Variants in PLEKHM3 observed in about 807,000 individuals in gnomAD.
The protein encoded by PLEKHM3 is pleckstrin homology domain containing M3, also known as pleckstrin homology domain-containing family M member 3.
Under a neutral mutation model 81.8 loss-of-function variants are expected in PLEKHM3, and 45 were observed. That is an observed-to-expected ratio of 0.55 (90% confidence interval 0.43 to 0.71). The LOEUF (loss-of-function observed/expected upper bound fraction) is 0.71, where lower values mean the gene tolerates loss of function less well. PLEKHM3 is among the 30% of genes least tolerant of loss of function. PLEKHM3 has a pLI of 0.00. For missense variants in PLEKHM3, 788 were observed against 924.3 expected (o/e 0.85, Z 1.91); for synonymous variants, 352 against 356.4 (o/e 0.99, Z 0.14).
intron 2 of PLEKHM3, among the ~76,000 whole-genome samples, chr2:207,978,779 A>G (rs1691415873): frequency 6.6e-6 from 1 of 152,214 alleles, no homozygotes. Flanking sequence ...AACCTCGCCT[A>G]CACACATGCA....
chr2:208,019,560 C>T (rs576489818), intron 1 of PLEKHM3: 6 of 152,296 alleles, frequency 3.9e-5, no homozygotes, highest in Non-Finnish European at 7.4e-5. Flanking sequence ...CAGATTTCCT[C>T]CATTATTATG....
chr2:207,859,630 C>G (rs959607903), intron 7 of PLEKHM3, among the ~76,000 whole-genome samples: 6 of 148,022 alleles, frequency 4.1e-5, no homozygotes, highest in African/African-American at 1.5e-4. Flanking sequence ...CAGAGTCTTG[C>G]TGTGTTGCCC....
At chr2:207,853,232 A>C (rs2092421738) in intron 7 of PLEKHM3, among the ~76,000 whole-genome samples, 1 of 152,108 alleles carries the variant, frequency 6.6e-6, no homozygotes, top group Non-Finnish European at 1.5e-5. Context: ...AGCCTGACCA[A>C]CATGGTGAAA....
At chr2:207,909,005 T>A (rs1688719340) in intron 5 of PLEKHM3, among the ~76,000 whole-genome samples, 2 of 152,232 alleles carry the variant, frequency 1.3e-5, no homozygotes, top group African/African-American at 4.8e-5. Context: ...TATTTTTCTA[T>A]ATCTAAATAT....
chr2:207,916,118 T>C (rs752746889), intron 5 of PLEKHM3, among the ~76,000 whole-genome samples: 39 of 152,204 alleles, frequency 2.6e-4, no homozygotes, highest in Non-Finnish European at 5.0e-4. Context: ...CAATCACTTC[T>C]CTAGGTACCT....
intron 2 of PLEKHM3, 125 bp downstream of exon 2, chr2:208,000,905 A>G: frequency 2.2e-6 from 2 of 924,558 alleles, no homozygotes. Context: ...CCAGATTAAG[A>G]GAGACAAAGG....
At position 207,946,373 on chromosome 2, in the gene PLEKHM3, C is replaced by T. The variant is rs10932215; in HGVS notation, c.1686G>A (p.Lys562=). 0.6 allele frequency: 969,032 copies of T among 1,612,580 alleles called. 296,535 individuals are homozygous for T. Among genetic ancestry groups the T allele is most frequent in the Middle Eastern group, 0.74 (4,453 of 6,056 alleles). Residue 562 remains lysine (K), a synonymous_variant, in exon 4 of 8, where the codon AAG becomes AAA. Transcript: ENST00000427836. The part of the protein sequence containing the change: ...ARIVHNWDTS[K]YKVSKQAKEF... ...ACTGAGTTTTTGTACCTACCTTATA[C>T]TTTGAAGTATCCCAGTTGTGGACTA...
intron 3 of PLEKHM3, among the ~76,000 whole-genome samples, chr2:207,972,110 G>A (rs1044763892): frequency 1.3e-5 from 2 of 152,200 alleles, no homozygotes; most frequent in African/African-American, 4.8e-5. Context: ...TGAAGGCAAG[G>A]ACCATGTCTG....
In PLEKHM3 at chr2:207,977,579, C is replaced by T; in HGVS notation, c.618G>A (p.Lys206=). 2.5e-6 allele frequency: 4 copies of T among 1,601,254 alleles called. No homozygotes were observed. Among genetic ancestry groups the T allele is most frequent in the Non-Finnish European group, 3.4e-6 (4 of 1,175,132 alleles). ...TCTTTAGAATGTTTGGGAATGTCTG[C>T]TTGTGTTCTAGAAAGGAAAAGAGAG... ...IEDAQGNTEH[K]QTFPNILKKG... The change falls in exon 3 of 8, where the codon AAG becomes AAA. Residue 206 remains lysine, a synonymous_variant. Transcript: ENST00000427836.
intron 4 of PLEKHM3, among the ~76,000 whole-genome samples, chr2:207,931,493 G>A (rs1258887675): frequency 2.0e-5 from 3 of 152,126 alleles, no homozygotes; most frequent in Non-Finnish European, 2.9e-5. Context: ...AACTGTGAAA[G>A]GTACACAGAA....
At chr2:207,911,765 A>G (rs1377578747) in intron 5 of PLEKHM3, among the ~76,000 whole-genome samples, 3 of 152,248 alleles carry the variant, frequency 2.0e-5, no homozygotes, top group Non-Finnish European at 2.9e-5. Flanking sequence ...GGGCTGCAAA[A>G]TCATTTCAAG....
At chr2:207,981,366 C>T (rs1197243133) in intron 2 of PLEKHM3, among the ~76,000 whole-genome samples, 4 of 152,090 alleles carry the variant, frequency 2.6e-5, no homozygotes, top group Non-Finnish European at 5.9e-5. Flanking sequence ...TTATTTGAGA[C>T]AGGGTCTTGC....
chr2:207,858,174 G>GTGTATATA (rs373920637), intron 7 of PLEKHM3, among the ~76,000 whole-genome samples: 172 of 123,286 alleles, frequency 1.4e-3, no homozygotes, highest in African/African-American at 5.8e-3. Flanking sequence ...GTGTGTGTGT[G>GTGTATATA]TATATATTTT....
rs562241892 is a variant in PLEKHM3, at chr2:207,977,090, G to A, written c.1107C>T (p.Tyr369=). The part of the protein sequence containing the change: ...YQNILKSGTL[Y]RLTVQNNWKA... ...TCCAGTTGTTTTGGACAGTCAGCCT[G>A]TAGAGAGTCCCTGATTTGAGGATGT... The change falls in exon 3 of 8, where the codon TAC becomes TAT. Residue 369 remains tyrosine, a synonymous_variant. Coordinates refer to ENST00000427836, the MANE Select transcript of PLEKHM3 (RefSeq NM_001080475.3). The A allele has an allele frequency of 1.2e-6, 2 of 1,614,218 alleles. No individual in the cohort carries two copies. The highest frequency in any genetic ancestry group is 2.2e-5 in the East Asian group (1 of 44,882).
intron 6 of PLEKHM3, among the ~76,000 whole-genome samples, chr2:207,867,902 C>A (rs1055225360): frequency 1.3e-5 from 2 of 151,900 alleles, no homozygotes; most frequent in Admixed American, 6.6e-5. Context: ...TAGACCAAAG[C>A]CAGAGGAGCA....
At chr2:207,954,737 G>GTTGT (rs938818716) in intron 3 of PLEKHM3, among the ~76,000 whole-genome samples, 2 of 152,196 alleles carry the variant, frequency 1.3e-5, no homozygotes, top group African/African-American at 4.8e-5. Context: ...TAGGACCTAC[G>GTTGT]TTGTGTTAAC....
Position 208,001,141 on chromosome 2 carries a change from G to A in PLEKHM3, c.499C>T (p.Pro167Ser). ...VDWRVVLKTT[P>S]LQQQQQQQPL... Reference sequence around the variant, plus strand: ...TGCTGCTGTTGCTGCTGCTGCAAAGGCGTGGTTTTGAGGACTACCCTCCAG... The same window carrying A: ...TGCTGCTGTTGCTGCTGCTGCAAAGACGTGGTTTTGAGGACTACCCTCCAG... Residue 167 changes from proline (P) to serine (S), a missense_variant, in exon 2 of 8, where the codon CCT becomes TCT. Physicochemically the swap from Pro to Ser is moderately conservative, Grantham distance 74. Coordinates refer to ENST00000427836, the MANE Select transcript of PLEKHM3 (RefSeq NM_001080475.3). 2 of 1,611,696 alleles carry A rather than the reference G, an allele frequency of 1.2e-6. No homozygotes were observed. Among genetic ancestry groups the A allele is most frequent in the African/African-American group, 2.7e-5 (2 of 74,916 alleles).
intron 4 of PLEKHM3, among the ~76,000 whole-genome samples, chr2:207,935,775 T>C (rs1200342284): frequency 6.6e-6 from 1 of 152,236 alleles, no homozygotes; most frequent in Non-Finnish European, 1.5e-5. Flanking sequence ...AATGTTACCA[T>C]ACTCTATCAG....
chr2:207,889,434 A>AACACACACAC (rs35082335), intron 6 of PLEKHM3, among the ~76,000 whole-genome samples: 2,107 of 129,168 alleles, frequency 0.016, 59 homozygotes, highest in East Asian at 0.056. Context: ...GGTTTTTTTC[A>AACACACACAC]ACACACACAC....
Sources: gnomAD v4.1 joint callset for allele counts (sites outside exome capture counted in the v4.1 genomes callset) on GRCh38, gnomAD v4.1.1 for gene constraint, MANE v1.5 for transcripts, NCBI Gene and HGNC (gene_info 2026-07-23, HGNC 2026-07-21) for gene names.